SYT9: variants seen among roughly 807,000 people sequenced by gnomAD.
SYT9 encodes synaptotagmin 9, also known as synaptotagmin-9.
SYT9 carries 22 observed loss-of-function variants against 48.4 expected under a neutral mutation model. The ratio of observed to expected loss-of-function variants is 0.45; its 90% CI spans 0.32 to 0.65. The LOEUF (loss-of-function observed/expected upper bound fraction) is 0.65. Among genes scored for constraint, SYT9 ranks in the 30% least tolerant of loss-of-function variants. The probability of loss-of-function intolerance (pLI) is 0.03; values close to 1 mark genes in which losing one functional copy is unlikely to be tolerated. For synonymous variants in SYT9, 265 were observed against 245.0 expected (o/e 1.08, Z -0.76); for missense variants, 577 against 622.0 (o/e 0.93, Z 0.77).
intron 6 of SYT9, among the ~76,000 whole-genome samples, chr11:7,461,728 T>C (rs1848240137): frequency 6.6e-6 from 1 of 152,238 alleles, no homozygotes; most frequent in Non-Finnish European, 1.5e-5. Context: ...AAATGTTTGT[T>C]GAATGATGAA....
At chr11:7,401,757 AAT>A (rs1490526314) in intron 3 of SYT9, among the ~76,000 whole-genome samples, 2 of 151,664 alleles carry the variant, frequency 1.3e-5, no homozygotes, top group African/African-American at 4.8e-5. Context: ...GTTGATAATT[AAT>A]ATTTTCTCAT....
chr11:7,274,670 C>A (rs528528972), intron 1 of SYT9, among the ~76,000 whole-genome samples: 1 of 152,284 alleles, frequency 6.6e-6, no homozygotes, highest in South Asian at 2.1e-4. Context: ...TCCTATACAG[C>A]TGGGCCCTTC....
upstream of SYT9, among the ~76,000 whole-genome samples, chr11:7,249,826 TA>T (rs1847837176): frequency 6.6e-6 from 1 of 152,224 alleles, no homozygotes; most frequent in Non-Finnish European, 1.5e-5. Flanking sequence ...CTAGTCTGTC[TA>T]AATCTTGAAT....
intron 3 of SYT9, among the ~76,000 whole-genome samples, chr11:7,330,282 T>C (rs1222374107): frequency 1.3e-5 from 2 of 152,120 alleles, no homozygotes; most frequent in African/African-American, 4.8e-5. Context: ...TAATGCTAAG[T>C]GAAAAAAAGC....
intron 3 of SYT9, among the ~76,000 whole-genome samples, chr11:7,332,021 T>C (rs980198972): frequency 6.6e-6 from 1 of 152,180 alleles, no homozygotes; most frequent in East Asian, 1.9e-4. Context: ...ATATGGCGTG[T>C]GAATCTTAAT....
At chr11:7,357,004 C>A (rs1850033844) in intron 3 of SYT9, among the ~76,000 whole-genome samples, 1 of 152,030 alleles carries the variant, frequency 6.6e-6, no homozygotes, top group South Asian at 2.1e-4. Flanking sequence ...ACTCAAGGAA[C>A]CTGAACCAAA....
In SYT9 at chr11:7,416,060, G is replaced by A. The variant is rs1420453158; in HGVS notation, c.1063G>A (p.Glu355Lys). 1 of 1,614,178 alleles carries A rather than the reference G, an allele frequency of 6.2e-7. No homozygotes were observed. The highest frequency in any genetic ancestry group is 8.5e-7 in the Non-Finnish European group (1 of 1,180,026). The change falls in exon 4 of 7, where the codon GAG (glutamate) becomes AAG (lysine). Residue 355 changes from glutamate to lysine, a missense_variant. Transcript: ENST00000318881. Reference sequence around the variant, plus strand: ...TCAACAGGACAACGTGGATCTGGGAGAGCTGATGTTTTCCCTGTGCTATCT... The same window carrying A: ...TCAACAGGACAACGTGGATCTGGGAAAGCTGATGTTTTCCCTGTGCTATCT... ...YVTNDNVDLG[E>K]LMFSLCYLPT...
At position 7,416,096 on chromosome 11, in the gene SYT9, G is replaced by A; in HGVS notation, c.1099G>A (p.Gly367Ser). 6.2e-7 allele frequency: 1 copy of A among 1,614,158 alleles called. No individual in the cohort carries two copies. The highest frequency in any genetic ancestry group is 1.1e-5 in the South Asian group (1 of 91,078). The part of the protein sequence containing the change: ...MFSLCYLPTA[G>S]RLTITIIKAR... ...TTCCCTGTGCTATCTTCCAACGGCT[G>A]GCAGGCTGACCATTACCATTATAAA... is the stretch of plus-strand genomic sequence containing the variant. The change falls in exon 4 of 7, where the codon GGC becomes AGC. Residue 367 changes from glycine to serine, a missense_variant. Transcript: ENST00000318881.
chr11:7,312,856 T>C (rs181188372), intron 2 of SYT9, among the ~76,000 whole-genome samples: 60 of 152,312 alleles, frequency 3.9e-4, no homozygotes, highest in African/African-American at 1.4e-3. Context: ...GTCATATACA[T>C]TTTTGCATGA....
chr11:7,287,819 T>C (rs1290998872), intron 1 of SYT9, among the ~76,000 whole-genome samples: 1 of 152,184 alleles, frequency 6.6e-6, no homozygotes, highest in Non-Finnish European at 1.5e-5. Context: ...TTCTAGCTTG[T>C]AACAAATTAT....
At chr11:7,460,404 A>G (rs79815958) in intron 6 of SYT9, among the ~76,000 whole-genome samples, 4,442 of 152,222 alleles carry the variant, frequency 0.029, 227 homozygotes, top group African/African-American at 0.099. Context: ...TGTTTAAGCA[A>G]TTGATTAACT....
At chr11:7,303,484 C>T in intron 2 of SYT9, 94 bp downstream of exon 2, 1 of 1,113,180 alleles carries the variant, frequency 9.0e-7, no homozygotes, top group Non-Finnish European at 1.2e-6. Context: ...GAGCCTGTAA[C>T]CTTTTAGATT....
Position 7,338,711 on chromosome 11 carries a change from G to A in SYT9, c.1044+24770G>A, listed in dbSNP as rs541818569. ...TTTTATTGTGCTATGATCTGAGAGTGTGTTTAGTATGATTTTGGTTGTTTT... is the reference window on the plus strand; with the variant it reads ...TTTTATTGTGCTATGATCTGAGAGTATGTTTAGTATGATTTTGGTTGTTTT... On this transcript the variant is annotated intron_variant, in intron 3 of 6. Coordinates refer to ENST00000318881, the MANE Select transcript of SYT9 (RefSeq NM_175733.4). Among the ~76,000 whole-genome samples, 3 of 152,212 alleles carry A rather than the reference G, an allele frequency of 2.0e-5. No individual in the cohort carries two copies. The East Asian group carries it at 5.8e-4, about 29-fold the overall frequency.
chr11:7,366,625 T>C (rs1189618699), intron 3 of SYT9, among the ~76,000 whole-genome samples: 1 of 152,196 alleles, frequency 6.6e-6, no homozygotes, highest in Non-Finnish European at 1.5e-5. Flanking sequence ...TTATTACTAT[T>C]ACATATTTTA....
chr11:7,364,592 C>G (rs757514123), intron 3 of SYT9, among the ~76,000 whole-genome samples: 1 of 152,160 alleles, frequency 6.6e-6, no homozygotes, highest in South Asian at 2.1e-4. Flanking sequence ...AAAACTGACA[C>G]TAATTTGAAA....
At chr11:7,319,956 A>G (rs1429281533) in intron 3 of SYT9, among the ~76,000 whole-genome samples, 1 of 152,190 alleles carries the variant, frequency 6.6e-6, no homozygotes, top group Non-Finnish European at 1.5e-5. Flanking sequence ...TTTTTAATCT[A>G]GTATTTTTAC....
chr11:7,465,369 CTGAAA>C (rs1848312795), intron 6 of SYT9, among the ~76,000 whole-genome samples: 1 of 152,222 alleles, frequency 6.6e-6, no homozygotes, highest in Admixed American at 6.5e-5. Context: ...CTTTTGATCT[CTGAAA>C]TGAAGTCCAT....
intron 1 of SYT9, among the ~76,000 whole-genome samples, chr11:7,241,268 A>G (rs1847737815): frequency 6.6e-6 from 1 of 151,470 alleles, no homozygotes; most frequent in African/African-American, 2.4e-5. Context: ...CACACAGCAC[A>G]TATCTTAGAG....
intron 1 of SYT9, among the ~76,000 whole-genome samples, chr11:7,245,465 A>T (rs1847781630): frequency 6.7e-6 from 1 of 148,684 alleles, no homozygotes; most frequent in African/African-American, 2.5e-5. Context: ...TCAGGGTTCT[A>T]TTCCGTCACC....
Sources: allele counts gnomAD v4.1 joint callset (sites outside exome capture counted in the v4.1 genomes callset), GRCh38; gene constraint gnomAD v4.1.1; transcripts MANE v1.5; gene names NCBI Gene and HGNC (gene_info 2026-07-23, HGNC 2026-07-21).